The following TEK variants were observed in gnomAD, a reference collection of about 807,000 sequenced individuals.
TEK encodes the protein angiopoietin-1 receptor.
TEK carries 43 observed loss-of-function variants against 131.8 expected under a neutral mutation model. That is an observed-to-expected ratio of 0.33 (90% CI 0.26 to 0.42). The LOEUF is 0.42. TEK is among the 10% of genes least tolerant of loss of function. The probability of loss-of-function intolerance (pLI) is 1.00; values close to 1 mark genes in which losing one functional copy is unlikely to be tolerated. For synonymous variants in TEK, 580 were observed against 491.6 expected, an observed-to-expected ratio of 1.18 and a Z score of -2.38; for missense variants, 1,162 against 1,384.4, an observed-to-expected ratio of 0.84 and a Z score of 2.55.
intron 1 of TEK, among the ~76,000 whole-genome samples, chr9:27,151,526 G>A (rs1400760087): frequency 2.0e-5 from 3 of 152,128 alleles, no homozygotes; most frequent in African/African-American, 7.2e-5. Flanking sequence ...GCTTTGCCTG[G>A]CTAACCCCAA....
In TEK at chr9:27,229,192, C is replaced by T; in HGVS notation, c.3335C>T (p.Thr1112Ile). 3.7e-6 allele frequency: 6 copies of T among 1,613,852 alleles called. No homozygotes were observed. Among genetic ancestry groups the T allele is most frequent in the Non-Finnish European group, 5.1e-6 (6 of 1,179,768 alleles). The stretch of plus-strand genomic sequence containing the variant: ...AATACCACGCTTTATGAGAAGTTTA[C>T]TTATGCAGGAATTGACTGTTCTGCT... ...YVNTTLYEKFTYAGIDCSAEE... is the reference protein window; with the variant it reads ...YVNTTLYEKFIYAGIDCSAEE... The change falls in exon 23 of 23, where the codon ACT becomes ATT. Residue 1112 changes from threonine (T) to isoleucine (I), a missense_variant. Thr to Ile is a moderately conservative substitution (Grantham distance 89). Around this residue, in one of 6 missense-constraint regions of TEK, gnomAD observed 84 missense variants for 80.3 expected, o/e 1.05. Coordinates refer to ENST00000380036, the MANE Select transcript of TEK (RefSeq NM_000459.5).
chr9:27,200,810 C>G (rs1221001580), intron 12 of TEK, among the ~76,000 whole-genome samples: 1 of 151,876 alleles, frequency 6.6e-6, no homozygotes, highest in African/African-American at 2.4e-5. Flanking sequence ...AGTATTTGAC[C>G]CTTACAATGA....
rs554077981 is a variant in TEK, at chr9:27,172,227, C to A, written c.629-389C>A. ...CACACTTTGAAAACCACAGCTCCAG[C>A]CTGTAACCATACCTGCAGCTCCCTG... On this transcript the variant is annotated intron_variant, in intron 4 of 22. Coordinates refer to ENST00000380036, the MANE Select transcript of TEK (RefSeq NM_000459.5). Among the ~76,000 whole-genome samples, 4 of 152,280 alleles carry A rather than the reference C, an allele frequency of 2.6e-5. No homozygotes were observed. In the East Asian group the frequency reaches 7.7e-4, roughly 29 times the overall value.
At chr9:27,137,472 C>A (rs925207389) in intron 1 of TEK, among the ~76,000 whole-genome samples, 3 of 151,956 alleles carry the variant, frequency 2.0e-5, no homozygotes, top group Non-Finnish European at 4.4e-5. Context: ...AGAATAGATA[C>A]CTAATTTAAA....
At chr9:27,136,982 C>CT (rs1401741747) in intron 1 of TEK, among the ~76,000 whole-genome samples, 5 of 152,110 alleles carry the variant, frequency 3.3e-5, no homozygotes, top group Non-Finnish European at 5.9e-5. Context: ...GTGGCGCAGT[C>CT]TCGGCTCACT....
At chr9:27,204,883 C>A in intron 13 of TEK, 28 bp from the exon 14 acceptor site, 1 of 1,613,132 alleles carries the variant, frequency 6.2e-7, no homozygotes, top group Non-Finnish European at 8.5e-7. Flanking sequence ...AACTAAACTA[C>A]CTGCTTCACC....
chr9:27,186,755 T>G (rs1049155756), intron 9 of TEK, among the ~76,000 whole-genome samples: 7 of 152,166 alleles, frequency 4.6e-5, no homozygotes, highest in Non-Finnish European at 1.0e-4. Flanking sequence ...CTTTCGTTAC[T>G]TCATTAGTAA....
chr9:27,124,599 G>T (rs1202822759), intron 1 of TEK, among the ~76,000 whole-genome samples: 2 of 152,220 alleles, frequency 1.3e-5, no homozygotes, highest in African/African-American at 4.8e-5. Flanking sequence ...AAATGTGGAA[G>T]CAAGGAAGGA....
At chr9:27,205,413 G>T (rs1386574924) in intron 14 of TEK, among the ~76,000 whole-genome samples, 1 of 152,174 alleles carries the variant, frequency 6.6e-6, no homozygotes, top group African/African-American at 2.4e-5. Flanking sequence ...GGTAAGGAAG[G>T]ACAGAGGGTA....
intron 11 of TEK, 21 bp from the exon 12 acceptor site, chr9:27,197,294 G>A (rs781303146): frequency 6.2e-7 from 1 of 1,611,992 alleles, no homozygotes; most frequent in Non-Finnish European, 8.5e-7. Context: ...TAAAAATAAT[G>A]ATTTTTCTGG....
chr9:27,223,590 C>G (rs1251396964), intron 21 of TEK, among the ~76,000 whole-genome samples: 1 of 152,144 alleles, frequency 6.6e-6, no homozygotes, highest in East Asian at 1.9e-4. Flanking sequence ...ACACAACATA[C>G]CAGAATCTCT....
At position 27,229,495 on chromosome 9, in the gene TEK, A is replaced by T. The variant is rs1167658970; in HGVS notation, c.*263A>T. The T allele has an allele frequency of 5.9e-5, 29 of 493,728 alleles. 1 individual carries two copies. The highest frequency in any genetic ancestry group is 2.6e-4 in the South Asian group (11 of 41,614). 30.6% of individuals were successfully genotyped at this position (493,728 alleles called of 1,614,324 possible). A position where few individuals can be genotyped will look rare whatever the true frequency, so the allele number is the denominator to read the frequency against. On this transcript the variant is annotated 3_prime_UTR_variant, in exon 23 of 23. Transcript: ENST00000380036. ...TTCATATGCAATAATATATTTTTTT[A>T]AAAATGTGGACTTCATAGGAAGGCG...
intron 1 of TEK, among the ~76,000 whole-genome samples, chr9:27,122,223 A>G (rs561083008): frequency 1.0e-3 from 156 of 152,280 alleles, no homozygotes; most frequent in Non-Finnish European, 2.0e-3. Context: ...ACTTGAACTC[A>G]AGCAGTTGCA....
At chr9:27,129,203 C>T (rs900911686) in intron 1 of TEK, among the ~76,000 whole-genome samples, 4 of 152,030 alleles carry the variant, frequency 2.6e-5, no homozygotes, top group East Asian at 1.9e-4. Context: ...TGAATTTTGT[C>T]GGAGGACTTT....
At position 27,158,027 on chromosome 9, in the gene TEK, T is replaced by A. The variant is rs1268386956; in HGVS notation, c.249T>A (p.Ala83=). ...EVTQDVTREW[A]KKVVWKREKA... is the part of the protein sequence containing the mutation. ...CTCAAGATGTGACCAGAGAATGGGC[T>A]AAAAAAGTTGTTTGGAAGAGAGAAA... Residue 83 remains alanine (A), a synonymous_variant, in exon 2 of 23, where the codon GCT becomes GCA. Coordinates refer to ENST00000380036, the MANE Select transcript of TEK (RefSeq NM_000459.5). 6.2e-7 allele frequency: 1 copy of A among 1,614,118 alleles called. No homozygotes were observed. Among genetic ancestry groups the A allele is most frequent in the East Asian group, 2.2e-5 (1 of 44,866 alleles).
rs141372702 is a variant in TEK, at chr9:27,225,394, A to G, written c.3201-2812A>G. ...ATGGTACTGGTACTAAAACAGATATATAGACCAAAGGAACAAGACAGAGGC... is the reference window on the plus strand; with the variant it reads ...ATGGTACTGGTACTAAAACAGATATGTAGACCAAAGGAACAAGACAGAGGC... On this transcript the variant is annotated intron_variant, in intron 21 of 22. Transcript: ENST00000380036. Among the ~76,000 whole-genome samples, 21 of 152,336 alleles carry G rather than the reference A, an allele frequency of 1.4e-4. No homozygotes were observed. The East Asian group carries it at 3.9e-3, about 28-fold the overall frequency.
intron 1 of TEK, among the ~76,000 whole-genome samples, chr9:27,125,246 A>G (rs1821945966): frequency 6.6e-6 from 1 of 152,236 alleles, no homozygotes; most frequent in African/African-American, 2.4e-5. Flanking sequence ...AGGCTTGGAT[A>G]CAGCTCTGAC....
rs556285135 is a variant in TEK at position 27,182,328 on chromosome 9, G to A, written c.1031-1131G>A. 3.3e-5 allele frequency among the ~76,000 whole-genome samples: 5 copies of A among 152,226 alleles called. No individual in the cohort carries two copies. The South Asian group carries it at 8.3e-4, about 25-fold the overall frequency. Reference sequence around the variant, plus strand: ...CCAGCTTCAGAAAATACAAGGGGACGATGAAGGAAAGAAATGCTTTAAAAG... The same window carrying A: ...CCAGCTTCAGAAAATACAAGGGGACAATGAAGGAAAGAAATGCTTTAAAAG... On this transcript the variant is annotated intron_variant, in intron 7 of 22. Transcript: ENST00000380036.
intron 1 of TEK, among the ~76,000 whole-genome samples, chr9:27,130,330 G>A (rs967881889): frequency 1.3e-5 from 2 of 151,952 alleles, no homozygotes; most frequent in Non-Finnish European, 2.9e-5. Flanking sequence ...TTGGAAAAAA[G>A]GGTTGTTTAA....
Sources: allele counts gnomAD v4.1 joint callset (sites outside exome capture counted in the v4.1 genomes callset), GRCh38; gene constraint gnomAD v4.1.1; regional missense constraint gnomAD v4.1.1; transcripts MANE v1.5; gene names NCBI Gene and HGNC (gene_info 2026-07-23, HGNC 2026-07-21).